The following SLC17A3 variants were observed in gnomAD, a reference collection of about 807,000 sequenced individuals.
SLC17A3 encodes solute carrier family 17 member 3.
Under a neutral mutation model 60.3 loss-of-function variants are expected in SLC17A3, and 61 were observed. That is an observed-to-expected ratio of 1.01 (90% CI 0.82 to 1.25). The LOEUF is 1.25. SLC17A3 is among the 50% of genes most tolerant of loss of function. The probability of loss-of-function intolerance (pLI) is 0.00; values close to 1 mark genes in which losing one functional copy is unlikely to be tolerated. For missense variants in SLC17A3, 624 were observed against 594.9 expected, an observed-to-expected ratio of 1.05 and a Z score of -0.51; for synonymous variants, 192 against 208.9, an observed-to-expected ratio of 0.92 and a Z score of 0.70.
intron 2 of SLC17A3, among the ~76,000 whole-genome samples, chr6:25,865,999 CT>C (rs1186120407): frequency 6.6e-6 from 1 of 151,936 alleles, no homozygotes; most frequent in Non-Finnish European, 1.5e-5. Flanking sequence ...AAGCTTATTT[CT>C]TAATTTGATG....
At position 25,845,039 on chromosome 6, in the gene SLC17A3, C is replaced by T. The variant is rs141445800; in HGVS notation, c.*262G>A. ...GTATCCAGTAATGGAATCTAACATA[C>T]TGGGTCCCACACAGCAAGCCCTCTT... On this transcript the variant is annotated 3_prime_UTR_variant, in exon 13 of 13. Transcript: ENST00000397060. 523 of 258,576 alleles carry T rather than the reference C, an allele frequency of 2.0e-3. 1 individual carries two copies. The highest frequency in any genetic ancestry group is 5.7e-3 in the Middle Eastern group (4 of 698). The allele number at this position is 258,576 out of a possible 1,614,324, so 16.0% of individuals were successfully genotyped here.
chr6:25,859,124 A>G (rs1027601308), intron 5 of SLC17A3, among the ~76,000 whole-genome samples: 1 of 152,220 alleles, frequency 6.6e-6, no homozygotes, highest in Non-Finnish European at 1.5e-5. Context: ...CAGTAATTTG[A>G]GAGATATGGA....
At position 25,872,240 on chromosome 6, in the gene SLC17A3, A is replaced by T. The variant is rs972086; in HGVS notation, c.-34+1927T>A. 8.8e-3 allele frequency among the ~76,000 whole-genome samples: 1,331 copies of T among 151,552 alleles called. 26 individuals are homozygous for T. Among genetic ancestry groups the T allele is most frequent in the East Asian group, 0.072 (368 of 5,122 alleles). On this transcript the variant is annotated intron_variant, in intron 1 of 12. Coordinates refer to ENST00000397060, the MANE Select transcript of SLC17A3 (RefSeq NM_001098486.2). ...TCTATATGGTGGGAATACTGTATAA[A>T]GATGTGCTATTGCACATCTCTCCCC...
At chr6:25,853,558 TAGGTGCCCGCCACCAC>T (rs1203334655) in intron 6 of SLC17A3, among the ~76,000 whole-genome samples, 1 of 151,314 alleles carries the variant, frequency 6.6e-6, no homozygotes, top group Non-Finnish European at 1.5e-5. Context: ...GCTGGGACAT[TAGGTGCCCGCCACCAC>T]GCCTGGCTAA....
At chr6:25,861,549 CA>C in intron 5 of SLC17A3, 74 bp downstream of exon 5, 1 of 1,109,726 alleles carries the variant, frequency 9.0e-7, no homozygotes, top group Non-Finnish European at 1.4e-6. Flanking sequence ...AGGAACTATG[CA>C]ATGAAAAGTT....
intron 5 of SLC17A3, among the ~76,000 whole-genome samples, chr6:25,859,983 G>A (rs1448642130): frequency 6.6e-6 from 1 of 152,102 alleles, no homozygotes; most frequent in South Asian, 2.1e-4. Context: ...TTGTCTGGTA[G>A]TGTACCTTAG....
chr6:25,854,494 A>G (rs1765328371), intron 6 of SLC17A3, among the ~76,000 whole-genome samples: 1 of 152,202 alleles, frequency 6.6e-6, no homozygotes. Context: ...CCCAAGAACC[A>G]ACAGGACTCT....
rs140275017 is a variant in SLC17A3 at position 25,846,735 on chromosome 6, C to T, written c.1363-1219G>A. Among the ~76,000 whole-genome samples, 376 of 152,202 alleles carry T rather than the reference C, an allele frequency of 2.5e-3. 1 individual carries two copies. The highest frequency in any genetic ancestry group is 8.1e-3 in the African/African-American group (336 of 41,526). ...AAGCAATTCTCCTGCCTCAGCCTCC[C>T]GAGTAGCTGGGACTACAGGTATGCA... On this transcript the variant is annotated intron_variant, in intron 11 of 12. Transcript: ENST00000397060.
intron 11 of SLC17A3, 144 bp from the exon 12 acceptor site, chr6:25,845,660 A>G (rs886117574): frequency 1.1e-6 from 1 of 889,360 alleles, no homozygotes; most frequent in Non-Finnish European, 1.8e-6. Context: ...GTTAAATGCA[A>G]AGGATTTCAA....
At chr6:25,846,641 C>T (rs1765179037) in intron 11 of SLC17A3, among the ~76,000 whole-genome samples, 1 of 152,110 alleles carries the variant, frequency 6.6e-6, no homozygotes, top group Admixed American at 6.5e-5. Flanking sequence ...GACAGAGTCT[C>T]ACTTTGTCGC....
Position 25,862,336 on chromosome 6 carries a change from A to G in SLC17A3, c.200T>C (p.Val67Ala). Reference protein sequence around the residue: ...VIMNITMVAMVNSTSPQSQLN... With the variant: ...VIMNITMVAMANSTSPQSQLN... ...CTGGGATTGAGGGCTTGTGCTGTTG[A>G]CCATGGCTACCATGGTGATGTTCAT... Residue 67 changes from valine (V) to alanine (A), a missense_variant, in exon 3 of 13, where the codon GTC (valine) becomes GCC (alanine). Physicochemically the swap from Val to Ala is moderately conservative, Grantham distance 64 (BLOSUM62 0). Coordinates refer to ENST00000397060, the MANE Select transcript of SLC17A3 (RefSeq NM_001098486.2). 5 of 1,613,814 alleles carry G rather than the reference A, an allele frequency of 3.1e-6. No individual in the cohort carries two copies. Among genetic ancestry groups the G allele is most frequent in the Non-Finnish European group, 4.2e-6 (5 of 1,179,760 alleles).
chr6:25,849,655 T>G, intron 10 of SLC17A3, 150 bp downstream of exon 10: 1 of 870,346 alleles, frequency 1.1e-6, no homozygotes, highest in Non-Finnish European at 1.9e-6. Context: ...CAATACCCCT[T>G]CCTCAACATA....
At position 25,856,355 on chromosome 6, in the gene SLC17A3, A is replaced by C. The variant is rs1255820064; in HGVS notation, c.626-1125T>G. ...AGGCTCAAGCAATCCTTCCACATCA[A>C]CCTCCGAAGAAATGGAATGACAGGT... On this transcript the variant is annotated intron_variant, in intron 5 of 12. Coordinates refer to ENST00000397060, the MANE Select transcript of SLC17A3 (RefSeq NM_001098486.2). 2.0e-5 allele frequency among the ~76,000 whole-genome samples: 3 copies of C among 151,870 alleles called. No individual in the cohort carries two copies. In the East Asian group the frequency reaches 5.8e-4, roughly 29 times the overall value.
At chr6:25,853,407 T>G (rs975390945) in intron 6 of SLC17A3, among the ~76,000 whole-genome samples, 6 of 23,974 alleles carry the variant, frequency 2.5e-4, no homozygotes, top group African/African-American at 6.0e-4. Context: ...TTTCTGCATG[T>G]TTTTTTTTTT....
chr6:25,850,743 G>A lies in SLC17A3; in HGVS notation c.831+16C>T. The A allele has an allele frequency of 1.2e-6, 2 of 1,607,994 alleles. No homozygotes were observed. Among genetic ancestry groups the A allele is most frequent in the South Asian group, 2.2e-5 (2 of 90,934 alleles). ...GATACAAGGTCTCAGAAAAGTGTTG[G>A]TGTCTTTATATGTACCTGTTGTTTC... is the stretch of plus-strand genomic sequence containing the variant. On this transcript the variant is annotated intron_variant, in intron 7 of 12. Transcript: ENST00000397060.
At chr6:25,860,797 CT>C (rs1160347072) in intron 5 of SLC17A3, among the ~76,000 whole-genome samples, 1 of 152,170 alleles carries the variant, frequency 6.6e-6, no homozygotes, top group African/African-American at 2.4e-5. Flanking sequence ...TTTAACTTTT[CT>C]TTCATGCTTT....
chr6:25,856,965 G>C (rs1366428043), intron 5 of SLC17A3, among the ~76,000 whole-genome samples: 2 of 152,064 alleles, frequency 1.3e-5, no homozygotes, highest in African/African-American at 4.8e-5. Context: ...GGGAAGATCA[G>C]TTGAGGCCAG....
Position 25,845,419 on chromosome 6 carries a change from T to G in SLC17A3, c.1460A>C (p.Gln487Pro). ...GAGTTTTCTCTCTTTAGCCCATTCTTGGACATCTGCTTCTCCAAATATGAG... is the reference window on the plus strand; with the variant it reads ...GAGTTTTCTCTCTTTAGCCCATTCTGGGACATCTGCTTCTCCAAATATGAG... ...FYLIFGEADV[Q>P]EWAKERKLTR... The change falls in exon 12 of 13, where the codon CAA becomes CCA. Residue 487 changes from glutamine (Q) to proline (P), a missense_variant. By Grantham distance (76) the Gln-to-Pro change is moderately conservative. Transcript: ENST00000397060. 4 of 1,614,090 alleles carry G rather than the reference T, an allele frequency of 2.5e-6. No individual in the cohort carries two copies. Among genetic ancestry groups the G allele is most frequent in the Non-Finnish European group, 3.4e-6 (4 of 1,179,964 alleles).
intron 11 of SLC17A3, among the ~76,000 whole-genome samples, chr6:25,848,419 A>G (rs901392119): frequency 3.9e-5 from 6 of 152,162 alleles, no homozygotes; most frequent in African/African-American, 1.4e-4. Flanking sequence ...GTAATATCGC[A>G]TTGTGGTTTT....
Sources: gnomAD v4.1 joint callset for allele counts (sites outside exome capture counted in the v4.1 genomes callset) on GRCh38, gnomAD v4.1.1 for gene constraint, MANE v1.5 for transcripts, NCBI Gene and HGNC (gene_info 2026-07-23, HGNC 2026-07-21) for gene names.